GPR158: variants seen among roughly 807,000 people sequenced by gnomAD.
The protein encoded by GPR158 is metabotropic glycine receptor.
A neutral mutation model predicts 78.2 loss-of-function variants in GPR158; 30 were observed. That is an observed-to-expected ratio of 0.38 (90% confidence interval 0.29 to 0.52). The LOEUF (loss-of-function observed/expected upper bound fraction) is 0.52. GPR158 is among the 20% of genes least tolerant of loss of function. GPR158 has a pLI of 0.83. For synonymous variants in GPR158, 581 were observed against 591.1 expected, an observed-to-expected ratio of 0.98 and a Z score of 0.25; for missense variants, 1,463 against 1,523.5, an observed-to-expected ratio of 0.96 and a Z score of 0.66.
intron 2 of GPR158, among the ~76,000 whole-genome samples, chr10:25,274,625 C>T (rs1854159326): frequency 6.6e-6 from 1 of 152,152 alleles, no homozygotes; most frequent in African/African-American, 2.4e-5. Flanking sequence ...ATGTGATCCA[C>T]ACTTACGATA....
chr10:25,430,987 G>A (rs1225746631), intron 4 of GPR158, among the ~76,000 whole-genome samples: 1 of 145,036 alleles, frequency 6.9e-6, no homozygotes, highest in Non-Finnish European at 1.5e-5. Context: ...AAAAGCAATG[G>A]CAACAAAAGC....
intron 4 of GPR158, among the ~76,000 whole-genome samples, chr10:25,432,837 A>G (rs1329268): frequency 0.83 from 126,155 of 152,064 alleles, 53,447 homozygotes; most frequent in African/African-American, 0.9. Flanking sequence ...ATCCATACTG[A>G]GTGTCTGATA....
intron 4 of GPR158, among the ~76,000 whole-genome samples, chr10:25,460,215 C>G (rs766010736): frequency 1.4e-5 from 2 of 140,012 alleles, no homozygotes; most frequent in African/African-American, 2.7e-5. Flanking sequence ...TTTCCCTCTT[C>G]TTTTGAGATG....
intron 2 of GPR158, among the ~76,000 whole-genome samples, chr10:25,359,322 A>G (rs1564432118): frequency 6.6e-6 from 1 of 152,082 alleles, no homozygotes; most frequent in Admixed American, 6.6e-5. Flanking sequence ...GGTTTGTTAC[A>G]TAGGTATACA....
chr10:25,548,503 A>G (rs1196128624), intron 5 of GPR158, among the ~76,000 whole-genome samples: 1 of 152,162 alleles, frequency 6.6e-6, no homozygotes, highest in African/African-American at 2.4e-5. Context: ...CTTACCACAC[A>G]CTATTACATT....
intron 4 of GPR158, among the ~76,000 whole-genome samples, chr10:25,456,460 G>T (rs755417602): frequency 2.0e-5 from 3 of 152,190 alleles, no homozygotes; most frequent in Non-Finnish European, 4.4e-5. Flanking sequence ...ACAGTTCTGA[G>T]AAATTCTCTT....
At chr10:25,551,169 T>C (rs1002417198) in intron 6 of GPR158, 84 bp downstream of exon 6, 1 of 780,720 alleles carries the variant, frequency 1.3e-6, no homozygotes, top group Non-Finnish European at 2.3e-6. Flanking sequence ...GGCTGACCAC[T>C]TAAATGGCTC....
At chr10:25,432,118 G>A (rs534429378) in intron 4 of GPR158, among the ~76,000 whole-genome samples, 1 of 152,072 alleles carries the variant, frequency 6.6e-6, no homozygotes, top group Non-Finnish European at 1.5e-5. Flanking sequence ...CAAGGAATTA[G>A]CATCCTTAAC....
At chr10:25,490,690 CATT>C (rs36177690) in intron 5 of GPR158, among the ~76,000 whole-genome samples, 18,793 of 143,094 alleles carry the variant, frequency 0.13, 1,306 homozygotes, top group East Asian at 0.17. Flanking sequence ...TCCAGTCTAT[CATT>C]GTTGGACATT....
chr10:25,349,360 A>AAGGAAAGCCGTACTTGACAG (rs1422184929), intron 2 of GPR158, among the ~76,000 whole-genome samples: 7 of 147,832 alleles, frequency 4.7e-5, no homozygotes, highest in South Asian at 2.1e-4. Context: ...AAGATCCTTA[A>AAGGAAAGCCGTACTTGACAG]CTTAAACACA....
chr10:25,290,296 C>A (rs940648105), intron 2 of GPR158, among the ~76,000 whole-genome samples: 9 of 152,134 alleles, frequency 5.9e-5, no homozygotes, highest in African/African-American at 2.2e-4. Context: ...CCTGTTACTG[C>A]TAGCCTCTTG....
chr10:25,417,545 C>G (rs1194310078), intron 4 of GPR158, among the ~76,000 whole-genome samples: 2 of 152,128 alleles, frequency 1.3e-5, no homozygotes, highest in African/African-American at 4.8e-5. Context: ...GCAAATCCTT[C>G]ATATAAACTT....
chr10:25,288,238 T>C (rs1034975120), intron 2 of GPR158, among the ~76,000 whole-genome samples: 14 of 152,196 alleles, frequency 9.2e-5, no homozygotes, highest in African/African-American at 3.4e-4. Flanking sequence ...ATTTGGGGGT[T>C]TGAACACAAG....
chr10:25,250,983 G>A (rs1853788812), intron 2 of GPR158, among the ~76,000 whole-genome samples: 1 of 151,576 alleles, frequency 6.6e-6, no homozygotes, highest in Non-Finnish European at 1.5e-5. Context: ...CTTGCTTTAT[G>A]AATCTGGGTG....
At chr10:25,504,775 CT>C (rs1465472757) in intron 5 of GPR158, among the ~76,000 whole-genome samples, 1 of 152,052 alleles carries the variant, frequency 6.6e-6, no homozygotes, top group Non-Finnish European at 1.5e-5. Flanking sequence ...TTTTTTTATC[CT>C]TTCATGGGAA....
chr10:25,546,469 T>TA (rs1446797818), intron 5 of GPR158, among the ~76,000 whole-genome samples: 1 of 151,974 alleles, frequency 6.6e-6, no homozygotes, highest in Non-Finnish European at 1.5e-5. Flanking sequence ...TGTTTGACAC[T>TA]ATATTCCCTT....
chr10:25,289,445 T>C (rs960122248), intron 2 of GPR158, among the ~76,000 whole-genome samples: 19 of 152,240 alleles, frequency 1.2e-4, no homozygotes, highest in Admixed American at 9.8e-4. Context: ...TTATTTTTAT[T>C]TTTTTGAGGC....
At chr10:25,514,647 T>G (rs1383391263) in intron 5 of GPR158, among the ~76,000 whole-genome samples, 1 of 152,182 alleles carries the variant, frequency 6.6e-6, no homozygotes, top group Non-Finnish European at 1.5e-5. Context: ...TTTATTTTGG[T>G]GTATTTCAAG....
At position 25,598,857 on chromosome 10, in the gene GPR158, A is replaced by G. The variant is rs978227955; in HGVS notation, c.3231A>G (p.Gln1077=). 27 of 1,614,128 alleles carry G rather than the reference A, an allele frequency of 1.7e-5. No homozygotes were observed. Among genetic ancestry groups the G allele is most frequent in the Non-Finnish European group, 2.2e-5 (26 of 1,180,014 alleles). ...CTGAAGTATGCCTTTGGGAGAGCCA[A>G]GGCCAGTCCATTTTGGAAGATGAGA... The part of the protein sequence containing the change: ...DKAEVCLWES[Q]GQSILEDEKL... Residue 1077 remains glutamine (Q), a synonymous_variant, in exon 11 of 11, where the codon CAA becomes CAG. Coordinates refer to ENST00000376351, the MANE Select transcript of GPR158 (RefSeq NM_020752.3).
Sources: allele counts gnomAD v4.1 joint callset (sites outside exome capture counted in the v4.1 genomes callset), GRCh38; gene constraint gnomAD v4.1.1; transcripts MANE v1.5; gene names NCBI Gene and HGNC (gene_info 2026-07-23, HGNC 2026-07-21).